SLC37A1: variants seen among roughly 807,000 people sequenced by gnomAD.
SLC37A1 encodes glucose-6-phosphate exchanger SLC37A1.
In SLC37A1, 49 loss-of-function variants were observed where a neutral mutation model predicts 75.3. That is an observed-to-expected ratio of 0.65 (90% CI 0.52 to 0.83). The LOEUF is 0.83. Ranked by LOEUF, SLC37A1 falls within the 40% of genes least tolerant of loss-of-function variation. SLC37A1 has a pLI of 0.00. For missense variants in SLC37A1, 566 were observed against 695.0 expected (o/e 0.81, Z 2.09); for synonymous variants, 268 against 292.1 (o/e 0.92, Z 0.84).
intron 2 of SLC37A1, among the ~76,000 whole-genome samples, chr21:42,503,961 G>A (rs1316030097): frequency 6.6e-6 from 1 of 152,184 alleles, no homozygotes. Flanking sequence ...GGTGGTACTA[G>A]AACATCTCAG....
intron 1 of SLC37A1, among the ~76,000 whole-genome samples, chr21:42,515,946 A>G (rs2054514203): frequency 6.6e-6 from 1 of 151,922 alleles, no homozygotes; most frequent in African/African-American, 2.4e-5. Context: ...TTTGGTAGAG[A>G]TGGGATTTTG....
At chr21:42,568,319 G>T in intron 16 of SLC37A1, 41 bp from the exon 17 acceptor site, 1 of 1,525,428 alleles carries the variant, frequency 6.6e-7, no homozygotes, top group Non-Finnish European at 9.1e-7. Flanking sequence ...TACTTCTCAT[G>T]CTGTGGCGAT....
At chr21:42,564,830 C>T (rs755828773) in intron 14 of SLC37A1, 37 bp downstream of exon 14, 10 of 1,577,758 alleles carry the variant, frequency 6.3e-6, no homozygotes, top group Non-Finnish European at 7.8e-6. Context: ...CCAAAGCCTG[C>T]AGACAGTCCC....
upstream of SLC37A1, among the ~76,000 whole-genome samples, chr21:42,512,043 G>A (rs1456513807): frequency 6.9e-6 from 1 of 144,244 alleles, no homozygotes; most frequent in East Asian, 2.0e-4. Flanking sequence ...CTTGAAATTT[G>A]CAAGAAGAAT....
intron 5 of SLC37A1, among the ~76,000 whole-genome samples, chr21:42,537,508 T>C (rs1365497458): frequency 6.6e-6 from 1 of 152,226 alleles, no homozygotes; most frequent in Non-Finnish European, 1.5e-5. Context: ...TTTTGTCTCC[T>C]AGGGGACATT....
Position 42,567,003 on chromosome 21 carries a change from G to T in SLC37A1, c.1289G>T (p.Gly430Val). 6.2e-7 allele frequency: 1 copy of T among 1,608,084 alleles called. No individual in the cohort carries two copies. ...EATIAMLLLS[G>V]ALVSGPYTLI... ...CCCACAGCCATGCTGCTGCTCAGCGGAGCCCTGGTCAGTGGGCCCTACACA... is the reference window on the plus strand; with the variant it reads ...CCCACAGCCATGCTGCTGCTCAGCGTAGCCCTGGTCAGTGGGCCCTACACA... Residue 430 changes from glycine (G) to valine (V), a missense_variant, in exon 16 of 20, where the codon GGA (glycine) becomes GTA (valine). Gly to Val is a moderately radical substitution (Grantham distance 109, BLOSUM62 -3). Coordinates refer to ENST00000352133, the MANE Select transcript of SLC37A1 (RefSeq NM_001320537.2).
At chr21:42,542,501 T>C (rs1470327320) in intron 7 of SLC37A1, 21 bp downstream of exon 7, 1 of 1,613,344 alleles carries the variant, frequency 6.2e-7, no homozygotes, top group Non-Finnish European at 8.5e-7. Flanking sequence ...GCAGCCCTGT[T>C]TCCAATAGCA....
Position 42,538,938 on chromosome 21 carries a change from C to A in SLC37A1, c.351-574C>A, listed in dbSNP as rs548806213. Among the ~76,000 whole-genome samples, 3 of 152,334 alleles carry A rather than the reference C, an allele frequency of 2.0e-5. No individual in the cohort carries two copies. The East Asian group carries it at 5.8e-4, about 29-fold the overall frequency. On this transcript the variant is annotated intron_variant, in intron 5 of 19. Coordinates refer to ENST00000352133, the MANE Select transcript of SLC37A1 (RefSeq NM_001320537.2). The stretch of plus-strand genomic sequence containing the variant: ...TGCCACCCCAGCATTTCAGACCTTA[C>A]CATAGAGCAAATCTTCTGCCTTTAA...
Position 42,518,322 on chromosome 21 carries a change from C to T in SLC37A1, c.-133C>T. ...AGGAAGGGGACAAGACCCAGCAGGA[C>T]ACCTTCTTTCCACGCTTTCCAGCCT... On this transcript the variant is annotated 5_prime_UTR_variant, in exon 2 of 20. Transcript: ENST00000352133. The T allele has an allele frequency of 9.0e-7, 1 of 1,114,434 alleles. No individual in the cohort carries two copies. Among genetic ancestry groups the T allele is most frequent in the Non-Finnish European group, 1.3e-6 (1 of 744,430 alleles). 69.0% of individuals were successfully genotyped at this position (1,114,434 alleles called of 1,614,324 possible).
chr21:42,564,694 C>T lies in SLC37A1; in HGVS notation c.1136-14C>T, dbSNP rs1228896941. 6.2e-7 allele frequency: 1 copy of T among 1,609,584 alleles called. No individual in the cohort carries two copies. The highest frequency in any genetic ancestry group is 8.5e-7 in the Non-Finnish European group (1 of 1,178,816). ...CTGGGACGTCAGTGCCTGAAGCCCGCCTCTCCGTTGCAGGTGGGATCCTGG... is the reference window on the plus strand; with the variant it reads ...CTGGGACGTCAGTGCCTGAAGCCCGTCTCTCCGTTGCAGGTGGGATCCTGG... On this transcript the variant is annotated splice_polypyrimidine_tract_variant and intron_variant, in intron 13 of 19. Transcript: ENST00000352133.
intron 9 of SLC37A1, 91 bp from the exon 10 acceptor site, chr21:42,553,971 A>G: frequency 9.5e-7 from 1 of 1,051,642 alleles, no homozygotes; most frequent in Non-Finnish European, 1.4e-6. Flanking sequence ...CTTTTTTGGG[A>G]CGATAGTAAG....
At chr21:42,530,595 T>TACACACACACACACACACACAC (rs71190427) in intron 3 of SLC37A1, among the ~76,000 whole-genome samples, 2 of 103,130 alleles carry the variant, frequency 1.9e-5, no homozygotes, top group East Asian at 2.9e-4. Flanking sequence ...ATGCAGATGA[T>TACACACACACACACACACACAC]ACACACACAC....
chr21:42,532,935 G>A (rs965658261), intron 3 of SLC37A1, among the ~76,000 whole-genome samples: 19 of 152,206 alleles, frequency 1.2e-4, no homozygotes, highest in Non-Finnish European at 2.4e-4. Context: ...CAGTGATGAC[G>A]GCAGAGTCAC....
At chr21:42,501,660 C>T (rs1174795913) in intron 1 of SLC37A1, among the ~76,000 whole-genome samples, 3 of 152,130 alleles carry the variant, frequency 2.0e-5, no homozygotes, top group Admixed American at 2.0e-4. Flanking sequence ...TGCAGTGAGC[C>T]GAGATTGCAC....
At chr21:42,536,830 G>A (rs192876643) in intron 5 of SLC37A1, among the ~76,000 whole-genome samples, 5 of 152,174 alleles carry the variant, frequency 3.3e-5, no homozygotes, top group Non-Finnish European at 5.9e-5. Context: ...TCGTCAAGGC[G>A]GATCCCTCAT....
In SLC37A1 at chr21:42,562,089, G is replaced by A. The variant is rs779684735; in HGVS notation, c.993G>A (p.Glu331=). ...TGALKIPGVI[E]FSLCLLFAKL... The stretch of plus-strand genomic sequence containing the variant: ...GCTCTCTCTTTCAGGGCGTGATAGA[G>A]TTCTCACTGTGTCTGCTGTTTGCCA... The change falls in exon 12 of 20, where the codon GAG becomes GAA. Residue 331 remains glutamate (E), a synonymous_variant. Transcript: ENST00000352133. 2 of 1,614,206 alleles carry A rather than the reference G, an allele frequency of 1.2e-6. No homozygotes were observed. Among genetic ancestry groups the A allele is most frequent in the Non-Finnish European group, 1.7e-6 (2 of 1,180,024 alleles).
At chr21:42,501,716 TC>T (rs1307749183) in intron 1 of SLC37A1, among the ~76,000 whole-genome samples, 3 of 152,168 alleles carry the variant, frequency 2.0e-5, no homozygotes, top group African/African-American at 7.2e-5. Context: ...TGAAACTCTA[TC>T]TCAAAAAACA....
chr21:42,540,325 C>T, intron 6 of SLC37A1, among the ~76,000 whole-genome samples: 1 of 152,192 alleles, frequency 6.6e-6, no homozygotes, highest in Non-Finnish European at 1.5e-5. Context: ...GGGTCAACAA[C>T]TGAAACACCT....
intron 1 of SLC37A1, among the ~76,000 whole-genome samples, chr21:42,500,090 TCA>T (rs2054327414): frequency 6.6e-6 from 1 of 152,196 alleles, no homozygotes; most frequent in Non-Finnish European, 1.5e-5. Context: ...CTGAGGGGCT[TCA>T]GTAAAATGCA....
Sources: allele counts gnomAD v4.1 joint callset (sites outside exome capture counted in the v4.1 genomes callset), GRCh38; gene constraint gnomAD v4.1.1; transcripts MANE v1.5; gene names NCBI Gene and HGNC (gene_info 2026-07-23, HGNC 2026-07-21).